The following C10orf90 variants were observed in gnomAD, a reference collection of about 807,000 sequenced individuals.
C10orf90 encodes the protein chromosome 10 open reading frame 90.
A neutral mutation model predicts 62.5 loss-of-function variants in C10orf90; 56 were observed. The ratio of observed to expected loss-of-function variants is 0.90; its 90% confidence interval spans 0.72 to 1.12. The LOEUF is 1.12. C10orf90 is among the 50% of genes most tolerant of loss of function. The probability of loss-of-function intolerance (pLI) is 0.00; values close to 1 mark genes in which losing one functional copy is unlikely to be tolerated. For missense variants in C10orf90, 970 were observed against 880.4 expected, an observed-to-expected ratio of 1.10 and a Z score of -1.29; for synonymous variants, 386 against 340.4, an observed-to-expected ratio of 1.13 and a Z score of -1.47.
At chr10:126,521,317 G>T in intron 2 of C10orf90, 1 of 1,614,120 alleles carries the variant, frequency 6.2e-7, no homozygotes, top group Non-Finnish European at 8.5e-7. Context: ...GACAGTTTGA[G>T]CATATTCTAC....
chr10:126,578,600 C>T (rs1466481460), intron 2 of C10orf90, among the ~76,000 whole-genome samples: 1 of 152,168 alleles, frequency 6.6e-6, no homozygotes, highest in Non-Finnish European at 1.5e-5. Context: ...GCAGATCCCT[C>T]CTGCATATAT....
intron 2 of C10orf90, among the ~76,000 whole-genome samples, chr10:126,585,472 G>GAAGGAAGGAAAGGA: frequency 6.6e-6 from 1 of 150,500 alleles, no homozygotes; most frequent in African/African-American, 2.4e-5. Flanking sequence ...AGGAAAGGAA[G>GAAGGAAGGAAAGGA]AGAGGGGGAA....
In C10orf90 at chr10:126,587,823, T is replaced by C. The variant is rs779534306; in HGVS notation, c.313+58742A>G. Among the ~76,000 whole-genome samples, 6 of 152,232 alleles carry C rather than the reference T, an allele frequency of 3.9e-5. No individual in the cohort carries two copies. In the South Asian group the frequency reaches 8.3e-4, roughly 21 times the overall value. On this transcript the variant is annotated intron_variant, in intron 2 of 9. Coordinates refer to ENST00000488181, the MANE Select transcript of C10orf90 (RefSeq NM_001350921.2). ...AGTACTCAACCATTTTGTAGATCTTTGAAAAGTAGGCAGGCACTGTGCCTC... is the reference window on the plus strand; with the variant it reads ...AGTACTCAACCATTTTGTAGATCTTCGAAAAGTAGGCAGGCACTGTGCCTC...
At chr10:126,593,322 G>A (rs1032808917) in intron 2 of C10orf90, among the ~76,000 whole-genome samples, 1 of 152,190 alleles carries the variant, frequency 6.6e-6, no homozygotes, top group Non-Finnish European at 1.5e-5. Context: ...TAAAGAAAAT[G>A]TGGTGCATAT....
chr10:126,652,412 T>G (rs551974044), intron 1 of C10orf90, among the ~76,000 whole-genome samples: 1 of 152,216 alleles, frequency 6.6e-6, no homozygotes, highest in African/African-American at 2.4e-5. Context: ...TCTATCTGTC[T>G]CTCCTTATTT....
chr10:126,610,776 C>T (rs1459598949), intron 2 of C10orf90, among the ~76,000 whole-genome samples: 1 of 152,156 alleles, frequency 6.6e-6, no homozygotes, highest in Non-Finnish European at 1.5e-5. Context: ...CAAACCTTCA[C>T]CCACTCAGAG....
At chr10:126,539,498 C>T (rs533336414) in intron 2 of C10orf90, among the ~76,000 whole-genome samples, 58 of 152,134 alleles carry the variant, frequency 3.8e-4, no homozygotes, top group African/African-American at 1.4e-3. Flanking sequence ...AAATGAGAGG[C>T]CATATGAATA....
At chr10:126,479,465 G>A (rs910162772) in intron 4 of C10orf90, among the ~76,000 whole-genome samples, 22 of 152,176 alleles carry the variant, frequency 1.4e-4, no homozygotes, top group African/African-American at 4.8e-4. Context: ...TCCGGAGGGC[G>A]AGGAGCTGGG....
chr10:126,504,315 ATTGAGG>A lies in C10orf90; in HGVS notation c.1170_1175del (p.Leu391_Asn392del). ...CTGCTGTTAATCTGTGGGAACTACA[ATTGAGG>A]TTGAGCGACAGGACGGATCTGTGCA... On this transcript the variant is annotated inframe_deletion, in exon 4 of 10. Transcript: ENST00000488181. The surrounding 1 kb of genome is among the most constrained non-coding windows in gnomAD (Gnocchi z 4.1). 1.9e-6 allele frequency: 3 copies of A among 1,614,122 alleles called. No individual in the cohort carries two copies. Among genetic ancestry groups the A allele is most frequent in the Non-Finnish European group, 2.5e-6 (3 of 1,180,032 alleles).
chr10:126,531,852 T>G lies in C10orf90; in HGVS notation c.314-17913A>C, dbSNP rs377635753. ...GAAAATAAAAAGGGAAGCCACAGAC[T>G]GGGATAAAATATTTGCAAGCCATAT... On this transcript the variant is annotated intron_variant, in intron 2 of 9. Transcript: ENST00000488181. 1.5e-3 allele frequency among the ~76,000 whole-genome samples: 223 copies of G among 152,282 alleles called. 3 individuals carry two copies. In the South Asian group the frequency reaches 0.02, roughly 14 times the overall value.
chr10:126,461,339 G>A (rs1042195621), intron 6 of C10orf90, 62 bp downstream of exon 6: 13 of 1,567,344 alleles, frequency 8.3e-6, no homozygotes, highest in African/African-American at 7.4e-5. Context: ...GTGTGCTCAC[G>A]GACTCCCTAG....
chr10:126,462,325 A>C (rs1860038339), intron 5 of C10orf90, among the ~76,000 whole-genome samples: 1 of 152,084 alleles, frequency 6.6e-6, no homozygotes, highest in African/African-American at 2.4e-5. Context: ...AGCACCCTGA[A>C]ACCACCCCAG....
chr10:126,463,956 T>A (rs1258297791), intron 5 of C10orf90, among the ~76,000 whole-genome samples: 1 of 152,262 alleles, frequency 6.6e-6, no homozygotes, highest in African/African-American at 2.4e-5. Flanking sequence ...ATAATTGCCA[T>A]AACCAATTTA....
chr10:126,449,912 G>T (rs1207864601), intron 7 of C10orf90, among the ~76,000 whole-genome samples: 1 of 150,752 alleles, frequency 6.6e-6, no homozygotes, highest in Non-Finnish European at 1.5e-5. Flanking sequence ...CAGAAGAATC[G>T]CTTGAACCTG....
chr10:126,479,982 A>G (rs1026035411), intron 4 of C10orf90, among the ~76,000 whole-genome samples: 3 of 152,210 alleles, frequency 2.0e-5, no homozygotes. Flanking sequence ...CCCTTGAAAA[A>G]TATATCCCAT....
At chr10:126,513,318 G>T (rs1196770708) in intron 3 of C10orf90, among the ~76,000 whole-genome samples, 1 of 152,216 alleles carries the variant, frequency 6.6e-6, no homozygotes, top group Non-Finnish European at 1.5e-5. Flanking sequence ...AGCAGTACCT[G>T]TCTTGTGGGG....
At chr10:126,437,682 TA>T (rs796806112) in intron 7 of C10orf90, among the ~76,000 whole-genome samples, 1 of 152,218 alleles carries the variant, frequency 6.6e-6, no homozygotes, top group Non-Finnish European at 1.5e-5. Context: ...ACATTTATAC[TA>T]AAAAAGCTTC....
intron 4 of C10orf90, among the ~76,000 whole-genome samples, chr10:126,485,873 G>A (rs551534524): frequency 6.1e-4 from 93 of 152,102 alleles, no homozygotes; most frequent in African/African-American, 1.6e-3. Flanking sequence ...CATGAACCCG[G>A]GAGGCGGAGC....
At chr10:126,592,547 T>C (rs891223475) in intron 2 of C10orf90, among the ~76,000 whole-genome samples, 2 of 152,042 alleles carry the variant, frequency 1.3e-5, no homozygotes, top group Non-Finnish European at 2.9e-5. Context: ...TTAACTCAAG[T>C]TGGATTAAAG....
Sources: gnomAD v4.1 joint callset for allele counts (sites outside exome capture counted in the v4.1 genomes callset) on GRCh38, gnomAD v4.1.1 for gene constraint, Gnocchi (gnomAD v3.1) non-coding constraint, MANE v1.5 for transcripts, NCBI Gene and HGNC (gene_info 2026-07-23, HGNC 2026-07-21) for gene names.